SORCS2: variants seen among roughly 807,000 people sequenced by gnomAD.
The protein encoded by SORCS2 is sortilin related VPS10 domain containing receptor 2.
Under a neutral mutation model 141.6 loss-of-function variants are expected in SORCS2, and 100 were observed. The ratio of observed to expected loss-of-function variants is 0.71; its 90% CI spans 0.60 to 0.83. SORCS2 has a LOEUF of 0.83. Among genes scored for constraint, SORCS2 ranks in the 40% least tolerant of loss-of-function variants. SORCS2 has a pLI of 0.00. For missense variants in SORCS2, 1,646 were observed against 1,560.2 expected, an observed-to-expected ratio of 1.05 and a Z score of -0.93; for synonymous variants, 789 against 676.9, an observed-to-expected ratio of 1.17 and a Z score of -2.57.
intron 14 of SORCS2, among the ~76,000 whole-genome samples, chr4:7,710,435 T>C (rs1396380871): frequency 6.7e-6 from 1 of 149,932 alleles, no homozygotes; most frequent in African/African-American, 2.5e-5. Context: ...GCTGCTGCTA[T>C]ACCTTCCATA....
chr4:7,680,188 G>C (rs552306658), intron 9 of SORCS2, among the ~76,000 whole-genome samples: 1 of 152,346 alleles, frequency 6.6e-6, no homozygotes, highest in African/African-American at 2.4e-5. Flanking sequence ...GCCATTTGCT[G>C]GGTGTGCGGC....
At chr4:7,542,859 G>A (rs1712789382) in intron 3 of SORCS2, among the ~76,000 whole-genome samples, 1 of 152,244 alleles carries the variant, frequency 6.6e-6, no homozygotes, top group Non-Finnish European at 1.5e-5. Context: ...TGTGAGCACA[G>A]CACTGCCTCT....
intron 1 of SORCS2, among the ~76,000 whole-genome samples, chr4:7,210,907 G>A (rs1728024898): frequency 6.6e-6 from 1 of 152,122 alleles, no homozygotes; most frequent in African/African-American, 2.4e-5. Flanking sequence ...GCAGGCAGGG[G>A]GTAGTCAGCC....
At chr4:7,340,685 C>T (rs557406407) in intron 1 of SORCS2, among the ~76,000 whole-genome samples, 1 of 152,348 alleles carries the variant, frequency 6.6e-6, no homozygotes, top group East Asian at 1.9e-4. Flanking sequence ...TCCCTGAGCT[C>T]CAGCTGCAGG....
chr4:7,531,946 C>T (rs1300857805), intron 3 of SORCS2, among the ~76,000 whole-genome samples: 1 of 152,264 alleles, frequency 6.6e-6, no homozygotes, highest in Non-Finnish European at 1.5e-5. Flanking sequence ...GAAGCAGAGA[C>T]AGCAGCAGCT....
At chr4:7,347,486 A>G (rs1720707779) in intron 1 of SORCS2, among the ~76,000 whole-genome samples, 2 of 152,248 alleles carry the variant, frequency 1.3e-5, no homozygotes, top group Non-Finnish European at 2.9e-5. Context: ...CCAGTGAGGC[A>G]TAGGGACTCC....
chr4:7,444,229 AACAG>A (rs1436557551), intron 2 of SORCS2, among the ~76,000 whole-genome samples: 5 of 152,238 alleles, frequency 3.3e-5, no homozygotes, highest in African/African-American at 1.2e-4. Context: ...GAGTTAACAA[AACAG>A]ACAGAAACCC....
At position 7,670,788 on chromosome 4, in the gene SORCS2, A is replaced by G. The variant is rs576978442; in HGVS notation, c.1161+3575A>G. Reference sequence around the variant, plus strand: ...GCAAATGTGCGTGTGTCCCTAGAGCAGCGTGCACAGAGCTTGAAGGAGCGG... The same window carrying G: ...GCAAATGTGCGTGTGTCCCTAGAGCGGCGTGCACAGAGCTTGAAGGAGCGG... On this transcript the variant is annotated intron_variant, in intron 8 of 26. Coordinates refer to ENST00000507866, the MANE Select transcript of SORCS2 (RefSeq NM_020777.3). 1.2e-3 allele frequency among the ~76,000 whole-genome samples: 181 copies of G among 150,314 alleles called. 1 individual carries two copies. The highest frequency in any genetic ancestry group is 1.2e-3 in the Non-Finnish European group (81 of 67,998).
At chr4:7,215,142 CG>C (rs1329760885) in intron 1 of SORCS2, among the ~76,000 whole-genome samples, 3 of 151,968 alleles carry the variant, frequency 2.0e-5, no homozygotes, top group Non-Finnish European at 2.9e-5. Flanking sequence ...GAGGCGCGAG[CG>C]GGAACCGGGG....
rs553797204 is a variant in SORCS2, at chr4:7,557,974, A to G, written c.648+26345A>G. On this transcript the variant is annotated intron_variant, in intron 3 of 26. Coordinates refer to ENST00000507866, the MANE Select transcript of SORCS2 (RefSeq NM_020777.3). ...CGACCTACTCACAGACACCAAGAAG[A>G]CAAGACATGGACTAACAGTTCAGCC... 5.9e-5 allele frequency among the ~76,000 whole-genome samples: 9 copies of G among 152,328 alleles called. No homozygotes were observed. The South Asian group carries it at 1.7e-3, about 28-fold the overall frequency.
chr4:7,488,966 C>G (rs1310282598), intron 2 of SORCS2, among the ~76,000 whole-genome samples: 1 of 152,248 alleles, frequency 6.6e-6, no homozygotes, highest in Non-Finnish European at 1.5e-5. Flanking sequence ...GCTACATTTA[C>G]GTATTCGTGC....
At chr4:7,512,054 T>A (rs1732688964) in intron 2 of SORCS2, among the ~76,000 whole-genome samples, 1 of 152,098 alleles carries the variant, frequency 6.6e-6, no homozygotes, top group African/African-American at 2.4e-5. Context: ...ACTGGTGCCT[T>A]TAGAATAGAA....
intron 2 of SORCS2, among the ~76,000 whole-genome samples, chr4:7,504,717 C>T (rs1254024316): frequency 1.3e-5 from 2 of 152,210 alleles, no homozygotes. Flanking sequence ...TAAGTACAAA[C>T]CAGGAAGCTT....
At chr4:7,495,566 A>G (rs145649710) in intron 2 of SORCS2, among the ~76,000 whole-genome samples, 1 of 152,192 alleles carries the variant, frequency 6.6e-6, no homozygotes, top group East Asian at 1.9e-4. Context: ...TCAGGCCCCA[A>G]GCCCGGGGCC....
intron 1 of SORCS2, among the ~76,000 whole-genome samples, chr4:7,262,361 C>CCTAT (rs1229730661): frequency 1.8e-3 from 258 of 145,694 alleles, no homozygotes; most frequent in African/African-American, 6.4e-3. Context: ...CATCCATCCA[C>CCTAT]CCACCTATCC....
At chr4:7,215,549 G>T (rs908930562) in intron 1 of SORCS2, among the ~76,000 whole-genome samples, 28 of 152,276 alleles carry the variant, frequency 1.8e-4, no homozygotes, top group Non-Finnish European at 3.7e-4. Context: ...AGCTCCACCT[G>T]CAGCCCCGGT....
intron 17 of SORCS2, among the ~76,000 whole-genome samples, chr4:7,716,085 A>G (rs547122947): frequency 0.017 from 2,578 of 152,348 alleles, 67 homozygotes; most frequent in African/African-American, 0.059. Context: ...AATTCATGTA[A>G]AATGTTAGGT....
chr4:7,559,981 C>G (rs1277634247), intron 3 of SORCS2, among the ~76,000 whole-genome samples: 1 of 152,228 alleles, frequency 6.6e-6, no homozygotes, highest in African/African-American at 2.4e-5. Flanking sequence ...CTACCCGAAC[C>G]ACTGTCCTTT....
intron 2 of SORCS2, among the ~76,000 whole-genome samples, chr4:7,459,040 G>A (rs909926530): frequency 6.6e-6 from 1 of 152,118 alleles, no homozygotes; most frequent in Non-Finnish European, 1.5e-5. Context: ...CCTAAGGCGC[G>A]TGGCAAAGGC....
Sources: gnomAD v4.1 joint callset for allele counts (sites outside exome capture counted in the v4.1 genomes callset) on GRCh38, gnomAD v4.1.1 for gene constraint, MANE v1.5 for transcripts, NCBI Gene and HGNC (gene_info 2026-07-23, HGNC 2026-07-21) for gene names.